The following UNC13C variants were observed in gnomAD, a reference collection of about 807,000 sequenced individuals.
The protein encoded by UNC13C is unc-13 homolog C, also known as protein unc-13 homolog C.
Under a neutral mutation model 245.4 loss-of-function variants are expected in UNC13C, and 174 were observed. The observed-to-expected ratio is 0.71, with a 90% CI of 0.63 to 0.80. UNC13C has a LOEUF of 0.80. UNC13C is among the 30% of genes least tolerant of loss of function. UNC13C has a pLI of 0.00. For missense variants in UNC13C, 2,829 were observed against 2,602.9 expected (o/e 1.09, Z -1.89); for synonymous variants, 992 against 895.1 (o/e 1.11, Z -1.93).
chr15:53,950,884 G>A, the UNC13C span, among the ~76,000 whole-genome samples: 87 of 152,238 alleles, frequency 5.7e-4, no homozygotes, highest in Admixed American at 1.1e-3. Flanking sequence ...CTTCATCAAC[G>A]TAATCCTAAA....
At chr15:54,322,153 A>C (rs992943404) in intron 14 of UNC13C, 58 bp downstream of exon 14, 1 of 1,446,370 alleles carries the variant, frequency 6.9e-7, no homozygotes, top group African/African-American at 1.5e-5. Context: ...TTACATTTCA[A>C]GAGACTTTGA....
At chr15:54,256,169 C>T (rs1017007525) in intron 8 of UNC13C, among the ~76,000 whole-genome samples, 4 of 152,080 alleles carry the variant, frequency 2.6e-5, no homozygotes, top group Non-Finnish European at 5.9e-5. Context: ...TGTCAATGAC[C>T]TCCAGCTAGA....
chr15:54,344,479 C>T (rs796158329), intron 17 of UNC13C, among the ~76,000 whole-genome samples: 5 of 151,984 alleles, frequency 3.3e-5, no homozygotes, highest in Admixed American at 6.5e-5. Flanking sequence ...AGATTTTATG[C>T]GAAATTTTGT....
chr15:54,530,300 C>G (rs1164112390), intron 25 of UNC13C, among the ~76,000 whole-genome samples: 1 of 152,120 alleles, frequency 6.6e-6, no homozygotes, highest in Non-Finnish European at 1.5e-5. Flanking sequence ...GTGTGTTTGT[C>G]TGTGTGCATG....
chr15:54,185,421 T>A (rs2033944422), intron 4 of UNC13C, among the ~76,000 whole-genome samples: 1 of 150,302 alleles, frequency 6.7e-6, no homozygotes, highest in Non-Finnish European at 1.5e-5. Flanking sequence ...ATTTAAGTCT[T>A]TAATCCATCT....
At chr15:53,897,026 C>G in the UNC13C span, among the ~76,000 whole-genome samples, 1 of 149,942 alleles carries the variant, frequency 6.7e-6, no homozygotes, top group Non-Finnish European at 1.5e-5. Flanking sequence ...GTGGAAATCA[C>G]TGACAGAGTC....
At chr15:54,067,189 A>G (rs1339321616) in intron 2 of UNC13C, among the ~76,000 whole-genome samples, 1 of 152,148 alleles carries the variant, frequency 6.6e-6, no homozygotes, top group Non-Finnish European at 1.5e-5. Flanking sequence ...AAGTTGCCTC[A>G]AGTAATTACA....
the UNC13C span, among the ~76,000 whole-genome samples, chr15:53,962,576 T>C: frequency 3.3e-5 from 5 of 152,206 alleles, no homozygotes; most frequent in African/African-American, 1.2e-4. Context: ...CCCTTAGCCC[T>C]AATAGATGCT....
chr15:54,586,946 T>C lies in UNC13C; in HGVS notation c.6106+18999T>C, dbSNP rs570236988. ...GATATAACTAAGCTGTACAGACTGTTAGGCCATCAATCAATATTTACCAAA... is the reference window on the plus strand; with the variant it reads ...GATATAACTAAGCTGTACAGACTGTCAGGCCATCAATCAATATTTACCAAA... On this transcript the variant is annotated intron_variant, in intron 30 of 32. Coordinates refer to ENST00000260323, the MANE Select transcript of UNC13C (RefSeq NM_001080534.3). Among the ~76,000 whole-genome samples, 259 of 152,320 alleles carry C rather than the reference T, an allele frequency of 1.7e-3. 1 individual carries two copies. Among genetic ancestry groups the C allele is most frequent in the African/African-American group, 5.8e-3 (240 of 41,582 alleles).
At chr15:53,889,547 T>C in the UNC13C span, among the ~76,000 whole-genome samples, 6 of 152,218 alleles carry the variant, frequency 3.9e-5, no homozygotes, top group East Asian at 1.2e-3. Context: ...CATTTATTTC[T>C]TTCTCTTGCC....
chr15:54,392,791 C>T (rs989867362), intron 17 of UNC13C, among the ~76,000 whole-genome samples: 3 of 151,786 alleles, frequency 2.0e-5, no homozygotes, highest in African/African-American at 7.3e-5. Flanking sequence ...TCCAGAACAA[C>T]AACAACAGCA....
At chr15:54,402,984 G>C (rs982904252) in intron 18 of UNC13C, among the ~76,000 whole-genome samples, 2 of 152,156 alleles carry the variant, frequency 1.3e-5, no homozygotes, top group Non-Finnish European at 2.9e-5. Context: ...GAAAGCACCT[G>C]GCCTAATGCC....
chr15:54,047,589 T>C (rs1343863747), intron 2 of UNC13C, among the ~76,000 whole-genome samples: 2 of 152,176 alleles, frequency 1.3e-5, no homozygotes, highest in Non-Finnish European at 2.9e-5. Context: ...ATTTCATCCC[T>C]TTTTAAGGCT....
chr15:54,466,683 T>G (rs528820608), intron 19 of UNC13C, among the ~76,000 whole-genome samples: 11 of 151,988 alleles, frequency 7.2e-5, no homozygotes, highest in Non-Finnish European at 1.6e-4. Flanking sequence ...ACACACATAT[T>G]TGTATTCCTA....
At chr15:54,180,989 T>C (rs58079881) in intron 4 of UNC13C, among the ~76,000 whole-genome samples, 16,559 of 152,076 alleles carry the variant, frequency 0.11, 1,289 homozygotes, top group African/African-American at 0.22. Flanking sequence ...AGACTCTCTT[T>C]AGTTTAATTG....
intron 7 of UNC13C, among the ~76,000 whole-genome samples, chr15:54,245,659 A>G (rs942181751): frequency 6.6e-6 from 1 of 152,196 alleles, no homozygotes; most frequent in South Asian, 2.1e-4. Context: ...AAATTTCAAA[A>G]AGATCATATT....
Position 54,458,680 on chromosome 15 carries a change from CTTTTTTTTTT to C in UNC13C, c.4934-35914_4934-35905del, listed in dbSNP as rs79291504. On this transcript the variant is annotated intron_variant, in intron 19 of 32. Transcript: ENST00000260323. The stretch of plus-strand genomic sequence containing the variant: ...TTTTAAACTATTGTTCCTTTAAGGT[CTTTTTTTTTT>C]TTTTTTTTTTTTTAAGGGAATAGCT... 4.5e-5 allele frequency among the ~76,000 whole-genome samples: 3 copies of C among 65,970 alleles called. No individual in the cohort carries two copies. The Admixed American group carries it at 7.3e-4, about 16-fold the overall frequency. 43.3% of individuals were successfully genotyped at this position (65,970 alleles called of 152,430 possible).
intron 19 of UNC13C, among the ~76,000 whole-genome samples, chr15:54,436,662 G>C (rs911912587): frequency 2.0e-5 from 3 of 151,806 alleles, no homozygotes; most frequent in Admixed American, 1.3e-4. Flanking sequence ...AGGGCCTGTC[G>C]AGGGTTGGGG....
chr15:54,170,342 T>C (rs2033350506), intron 4 of UNC13C, among the ~76,000 whole-genome samples: 1 of 152,032 alleles, frequency 6.6e-6, no homozygotes, highest in Non-Finnish European at 1.5e-5. Context: ...AACAGAATCA[T>C]TTAGCGTATA....
Sources: allele counts gnomAD v4.1 joint callset (sites outside exome capture counted in the v4.1 genomes callset), GRCh38; gene constraint gnomAD v4.1.1; transcripts MANE v1.5; gene names NCBI Gene and HGNC (gene_info 2026-07-23, HGNC 2026-07-21).